CENPQ: variants seen among roughly 807,000 people sequenced by gnomAD.
CENPQ encodes centromere protein Q.
In CENPQ, 27 loss-of-function variants were observed where a neutral mutation model predicts 36.6. The observed-to-expected ratio is 0.74, with a 90% CI of 0.54 to 1.02. The LOEUF is 1.02. Among genes scored for constraint, CENPQ ranks in the 50% least tolerant of loss-of-function variants. The pLI is 0.00. For missense variants in CENPQ, 306 were observed against 301.8 expected (o/e 1.01, Z -0.10); for synonymous variants, 101 against 101.7 (o/e 0.99, Z 0.04).
At chr6:49,485,695 A>G (rs1768559985) in intron 6 of CENPQ, among the ~76,000 whole-genome samples, 2 of 152,178 alleles carry the variant, frequency 1.3e-5, no homozygotes, top group Non-Finnish European at 2.9e-5. Context: ...TATGTAGACT[A>G]AATTAGAAGA....
At chr6:49,465,886 T>A (rs1369696550) in intron 1 of CENPQ, among the ~76,000 whole-genome samples, 1 of 152,228 alleles carries the variant, frequency 6.6e-6, no homozygotes, top group Non-Finnish European at 1.5e-5. Context: ...AATAGCACTT[T>A]AAATTTCCTT....
chr6:49,467,707 A>T (rs1332895808), intron 1 of CENPQ, among the ~76,000 whole-genome samples: 1 of 152,218 alleles, frequency 6.6e-6, no homozygotes, highest in East Asian at 1.9e-4. Context: ...TTAATAAAGA[A>T]TATCAAGAAG....
intron 5 of CENPQ, among the ~76,000 whole-genome samples, chr6:49,477,519 A>G (rs928933589): frequency 2.0e-5 from 3 of 151,986 alleles, no homozygotes; most frequent in African/African-American, 7.3e-5. Context: ...TACATATGTA[A>G]CAAACCTGCA....
Position 49,488,734 on chromosome 6 carries a change from CA to C in CENPQ, c.675+53del, listed in dbSNP as rs756996355. Reference sequence around the variant, plus strand: ...TTACAGGCATACTTTAGAGATGTTGCAAATTTGGATTCAGACCACAGCAAAA... The same window carrying C: ...TTACAGGCATACTTTAGAGATGTTGCAATTTGGATTCAGACCACAGCAAAA... On this transcript the variant is annotated intron_variant, in intron 8 of 8. Coordinates refer to ENST00000335783, the MANE Select transcript of CENPQ (RefSeq NM_018132.4). 4.8e-6 allele frequency: 7 copies of C among 1,467,258 alleles called. No individual in the cohort carries two copies. In the African/African-American group the frequency reaches 9.8e-5, roughly 20 times the overall value. 90.9% of individuals were successfully genotyped at this position (1,467,258 alleles called of 1,614,324 possible).
chr6:49,478,296 T>C (rs986490983), intron 5 of CENPQ, among the ~76,000 whole-genome samples: 2 of 152,248 alleles, frequency 1.3e-5, no homozygotes, highest in Admixed American at 6.5e-5. Flanking sequence ...TATATTTGGG[T>C]ACCTTAGCAT....
At chr6:49,466,881 G>A (rs1465806118) in intron 1 of CENPQ, among the ~76,000 whole-genome samples, 1 of 152,134 alleles carries the variant, frequency 6.6e-6, no homozygotes, top group Non-Finnish European at 1.5e-5. Flanking sequence ...GCTAGATTTG[G>A]AGCTTGAACA....
intron 1 of CENPQ, among the ~76,000 whole-genome samples, chr6:49,468,978 G>A (rs142363885): frequency 1.3e-5 from 2 of 152,308 alleles, no homozygotes; most frequent in African/African-American, 2.4e-5. Context: ...AGGCATTTTA[G>A]AAATTGAACA....
chr6:49,490,544 T>C (rs190876577), intron 8 of CENPQ, among the ~76,000 whole-genome samples: 563 of 152,348 alleles, frequency 3.7e-3, no homozygotes, highest in African/African-American at 0.013. Flanking sequence ...AGTAGCACTT[T>C]AAATTTTCTT....
rs768522874 is a variant in CENPQ, at chr6:49,488,592, T to G, written c.598-15T>G. On this transcript the variant is annotated splice_polypyrimidine_tract_variant and intron_variant, in intron 7 of 8. Coordinates refer to ENST00000335783, the MANE Select transcript of CENPQ (RefSeq NM_018132.4). ...TCAGCTTTTTGAAATAATCTGTAGCTTTCTTCTACTTTAGATGCATCAAAT... is the reference window on the plus strand; with the variant it reads ...TCAGCTTTTTGAAATAATCTGTAGCGTTCTTCTACTTTAGATGCATCAAAT... The G allele has an allele frequency of 1.4e-5, 22 of 1,608,994 alleles. No homozygotes were observed. The highest frequency in any genetic ancestry group is 4.3e-6 in the Non-Finnish European group (5 of 1,175,902).
chr6:49,486,568 C>T (rs2501963), intron 6 of CENPQ, among the ~76,000 whole-genome samples: 96,215 of 151,784 alleles, frequency 0.63, 30,711 homozygotes, highest in East Asian at 0.78. Flanking sequence ...AAAAGAGACT[C>T]AGACATATCA....
chr6:49,484,829 G>A (rs753573408), intron 6 of CENPQ, among the ~76,000 whole-genome samples: 1 of 152,038 alleles, frequency 6.6e-6, no homozygotes, highest in Non-Finnish European at 1.5e-5. Flanking sequence ...TTCAGTATTG[G>A]CACTAGCTTC....
At chr6:49,472,723 A>G in intron 4 of CENPQ, 67 bp from the exon 5 acceptor site, 1 of 1,249,594 alleles carries the variant, frequency 8.0e-7, no homozygotes, top group Non-Finnish European at 1.0e-6. Context: ...ATCAGAGAGA[A>G]AAAGTACAAA....
intron 7 of CENPQ, 32 bp downstream of exon 7, chr6:49,488,503 G>A: frequency 6.2e-7 from 1 of 1,600,788 alleles, no homozygotes; most frequent in Non-Finnish European, 8.5e-7. Context: ...ATTGGAATTT[G>A]GATATAATTT....
At chr6:49,479,155 G>A (rs1206896285) in intron 5 of CENPQ, among the ~76,000 whole-genome samples, 1 of 152,092 alleles carries the variant, frequency 6.6e-6, no homozygotes, top group Non-Finnish European at 1.5e-5. Context: ...ACAGTTTAAT[G>A]AGAATTATGA....
At chr6:49,491,368 T>A (rs550579109) in intron 8 of CENPQ, among the ~76,000 whole-genome samples, 132 of 152,324 alleles carry the variant, frequency 8.7e-4, no homozygotes, top group African/African-American at 3.0e-3. Flanking sequence ...ATTTTTTTAA[T>A]ACAGGTAAGA....
In CENPQ at chr6:49,472,166, G is replaced by A; in HGVS notation, c.261G>A (p.Met87Ile). Residue 87 changes from methionine (M) to isoleucine (I), a missense_variant, in exon 4 of 9, where the codon ATG becomes ATA. Physicochemically the swap from Met to Ile is conservative, Grantham distance 10. Coordinates refer to ENST00000335783, the MANE Select transcript of CENPQ (RefSeq NM_018132.4). Reference protein sequence around the residue: ...SKSTRDHLQTMMESVIMTILS... With the variant: ...SKSTRDHLQTIMESVIMTILS... ...GTACCAGAGACCATTTGCAAACTATGATGGAATCAGTAATAATGTGAGTAT... is the reference window on the plus strand; with the variant it reads ...GTACCAGAGACCATTTGCAAACTATAATGGAATCAGTAATAATGTGAGTAT... The A allele has an allele frequency of 6.2e-7, 1 of 1,611,152 alleles. No homozygotes were observed. The highest frequency in any genetic ancestry group is 8.5e-7 in the Non-Finnish European group (1 of 1,178,808).
chr6:49,475,712 C>G (rs1768270737), intron 5 of CENPQ, among the ~76,000 whole-genome samples: 1 of 152,158 alleles, frequency 6.6e-6, no homozygotes, highest in African/African-American at 2.4e-5. Context: ...AGCTGATAAG[C>G]AACTTCAGCA....
intron 8 of CENPQ, among the ~76,000 whole-genome samples, chr6:49,490,165 A>T (rs1297049125): frequency 6.6e-6 from 1 of 152,216 alleles, no homozygotes; most frequent in Non-Finnish European, 1.5e-5. Context: ...ATGCTGTTTT[A>T]TTTACATTGA....
chr6:49,479,908 C>T (rs1414090512), intron 5 of CENPQ, among the ~76,000 whole-genome samples: 3 of 151,984 alleles, frequency 2.0e-5, no homozygotes, highest in Non-Finnish European at 2.9e-5. Context: ...CAAGTGGGAG[C>T]TAAACATTGA....
Sources: gnomAD v4.1 joint callset for allele counts (sites outside exome capture counted in the v4.1 genomes callset) on GRCh38, gnomAD v4.1.1 for gene constraint, MANE v1.5 for transcripts, NCBI Gene and HGNC (gene_info 2026-07-23, HGNC 2026-07-21) for gene names.